FBXW8: variants seen among roughly 807,000 people sequenced by gnomAD.
The protein encoded by FBXW8 is F-box/WD repeat-containing protein 8.
In FBXW8, 57 loss-of-function variants were observed where a neutral mutation model predicts 65.3. The ratio of observed to expected loss-of-function variants is 0.87; its 90% CI spans 0.71 to 1.09. The LOEUF is 1.09. Among genes scored for constraint, FBXW8 ranks in the 50% least tolerant of loss-of-function variants. The pLI is 0.00. For missense variants in FBXW8, 777 were observed against 814.8 expected (o/e 0.95, Z 0.57); for synonymous variants, 308 against 330.2 (o/e 0.93, Z 0.73).
At chr12:116,933,873 C>T (rs1881961898) in intron 2 of FBXW8, among the ~76,000 whole-genome samples, 1 of 152,118 alleles carries the variant, frequency 6.6e-6, no homozygotes, top group African/African-American at 2.4e-5. Context: ...GGAAATCCTT[C>T]TGTGGAATGT....
In FBXW8 at chr12:116,921,822, C is replaced by CTT. The variant is rs11449832; in HGVS notation, c.319-6178_319-6177dup. Reference sequence around the variant, plus strand: ...TGTTAACATTTTGGTGTATTTCTGACTTTTTTTTTTTTTTTTTTTTTTTTA... The same window carrying CTT: ...TGTTAACATTTTGGTGTATTTCTGACTTTTTTTTTTTTTTTTTTTTTTTTTTA... On this transcript the variant is annotated intron_variant, in intron 1 of 10. Coordinates refer to ENST00000652555, the MANE Select transcript of FBXW8 (RefSeq NM_153348.3). 4.7e-3 allele frequency among the ~76,000 whole-genome samples: 466 copies of CTT among 99,270 alleles called. 1 individual carries two copies. Among genetic ancestry groups the CTT allele is most frequent in the Middle Eastern group, 7.1e-3 (1 of 140 alleles). 65.1% of individuals were successfully genotyped at this position (99,270 alleles called of 152,430 possible).
intron 1 of FBXW8, among the ~76,000 whole-genome samples, chr12:116,920,372 C>G (rs1334511728): frequency 6.6e-6 from 1 of 152,194 alleles, no homozygotes; most frequent in Non-Finnish European, 1.5e-5. Flanking sequence ...CTTCTTGGTA[C>G]CAGCCACTGT....
At position 117,015,813 on chromosome 12, in the gene FBXW8, AC is replaced by A. The variant is rs547626397; in HGVS notation, c.1367+5367del. ...TAGAACATTTTCACCCCAAATAGAA[AC>A]CCCAAATCCATTAGCAGTCACTCCC... On this transcript the variant is annotated intron_variant, in intron 8 of 10. Transcript: ENST00000652555. Among the ~76,000 whole-genome samples the A allele has an allele frequency of 6.2e-4, 94 of 152,114 alleles. No homozygotes were observed. In the South Asian group the frequency reaches 8.3e-3, roughly 13 times the overall value.
chr12:117,029,439 C>G lies in FBXW8; in HGVS notation c.*1267C>G, dbSNP rs530105792. Reference sequence around the variant, plus strand: ...CTAGACTGGGCTGACAGTAAAAGCACAGAATACAAAACCCAGGGGATGGGG... The same window carrying G: ...CTAGACTGGGCTGACAGTAAAAGCAGAGAATACAAAACCCAGGGGATGGGG... On this transcript the variant is annotated 3_prime_UTR_variant, in exon 11 of 11. Transcript: ENST00000652555. 6.6e-6 allele frequency: 1 copy of G among 151,794 alleles called. No homozygotes were observed. The highest frequency in any genetic ancestry group is 2.4e-5 in the African/African-American group (1 of 41,206). 9.4% of individuals were successfully genotyped at this position (151,794 alleles called of 1,614,324 possible).
At chr12:116,970,069 G>A (rs955489729) in intron 5 of FBXW8, among the ~76,000 whole-genome samples, 1 of 152,182 alleles carries the variant, frequency 6.6e-6, no homozygotes, top group African/African-American at 2.4e-5. Context: ...CTAATGCAGG[G>A]ACGGCGGAGA....
At chr12:116,966,785 G>T (rs1183105236) in intron 5 of FBXW8, among the ~76,000 whole-genome samples, 1 of 151,934 alleles carries the variant, frequency 6.6e-6, no homozygotes, top group African/African-American at 2.4e-5. Context: ...CACCATCTCG[G>T]CTCACTGCAA....
At chr12:116,944,178 G>A (rs1002000223) in intron 2 of FBXW8, among the ~76,000 whole-genome samples, 8 of 152,130 alleles carry the variant, frequency 5.3e-5, no homozygotes, top group African/African-American at 1.9e-4. Context: ...CTGAGATTTA[G>A]CCACTTTTCT....
intron 9 of FBXW8, 51 bp downstream of exon 9, chr12:117,024,371 G>A: frequency 1.9e-6 from 3 of 1,604,124 alleles, no homozygotes; most frequent in African/African-American, 2.7e-5. Flanking sequence ...AACAGGGAAG[G>A]CAGCACTAAT....
At chr12:117,023,859 C>A (rs941733761) in intron 8 of FBXW8, among the ~76,000 whole-genome samples, 20 of 152,252 alleles carry the variant, frequency 1.3e-4, no homozygotes, top group African/African-American at 4.8e-4. Context: ...CCAACCTGCG[C>A]ATGCAGTCAT....
At chr12:117,027,796 C>T (rs1424570377) in intron 10 of FBXW8, among the ~76,000 whole-genome samples, 1 of 152,234 alleles carries the variant, frequency 6.6e-6, no homozygotes, top group Admixed American at 6.5e-5. Flanking sequence ...CAAGGCCCGC[C>T]CTCTTGAGTC....
chr12:116,943,278 T>G (rs1882726889), intron 2 of FBXW8, among the ~76,000 whole-genome samples: 1 of 152,198 alleles, frequency 6.6e-6, no homozygotes, highest in Admixed American at 6.5e-5. Flanking sequence ...TTGCATGCTT[T>G]TGTAATTTTG....
intron 5 of FBXW8, among the ~76,000 whole-genome samples, chr12:116,965,845 A>G (rs1017854423): frequency 2.6e-5 from 4 of 151,710 alleles, no homozygotes; most frequent in Admixed American, 6.6e-5. Flanking sequence ...TGCATCCTCA[A>G]CCTCCCGGGA....
chr12:116,966,944 T>G (rs1884364597), intron 5 of FBXW8, among the ~76,000 whole-genome samples: 2 of 152,150 alleles, frequency 1.3e-5, no homozygotes, highest in South Asian at 4.1e-4. Flanking sequence ...AGAATCTGCT[T>G]TCTTTGGTAA....
intron 7 of FBXW8, among the ~76,000 whole-genome samples, chr12:117,000,131 G>A (rs1375158241): frequency 1.3e-5 from 2 of 152,058 alleles, no homozygotes; most frequent in Non-Finnish European, 1.5e-5. Context: ...ACAGGCGCCC[G>A]CCACCACGCC....
intron 5 of FBXW8, among the ~76,000 whole-genome samples, chr12:116,972,618 A>G (rs1267733436): frequency 6.6e-6 from 1 of 152,134 alleles, no homozygotes; most frequent in East Asian, 1.9e-4. Context: ...GGCGGCATAC[A>G]GGGAGACTGA....
chr12:116,944,431 G>C lies in FBXW8; in HGVS notation c.424-933G>C, dbSNP rs1185391854. Among the ~76,000 whole-genome samples, 5 of 152,272 alleles carry C rather than the reference G, an allele frequency of 3.3e-5. No homozygotes were observed. The East Asian group carries it at 9.7e-4, about 29-fold the overall frequency. On this transcript the variant is annotated intron_variant, in intron 2 of 10. Coordinates refer to ENST00000652555, the MANE Select transcript of FBXW8 (RefSeq NM_153348.3). ...TCCTTCTTTCCGTCTCTGTCTTTGA[G>C]TCTTGAAGTGGCCCTAAGGGAGTGT...
chr12:117,013,225 G>C (rs1262740902), intron 8 of FBXW8, among the ~76,000 whole-genome samples: 3 of 140,816 alleles, frequency 2.1e-5, no homozygotes, highest in Non-Finnish European at 4.4e-5. Context: ...CTGGGTGACA[G>C]AGCGAGACTC....
At chr12:117,018,662 A>T (rs1954016116) in intron 8 of FBXW8, among the ~76,000 whole-genome samples, 1 of 152,090 alleles carries the variant, frequency 6.6e-6, no homozygotes, top group Non-Finnish European at 1.5e-5. Flanking sequence ...CCTTTTTCCC[A>T]GGGGGGAGAA....
chr12:116,982,456 C>T (rs1168983325), intron 5 of FBXW8, among the ~76,000 whole-genome samples: 1 of 152,090 alleles, frequency 6.6e-6, no homozygotes. Flanking sequence ...TGATTTTGCA[C>T]CTAAAAATGA....
Sources: gnomAD v4.1 joint callset for allele counts (sites outside exome capture counted in the v4.1 genomes callset) on GRCh38, gnomAD v4.1.1 for gene constraint, MANE v1.5 for transcripts, NCBI Gene and HGNC (gene_info 2026-07-23, HGNC 2026-07-21) for gene names.